Variants in PKM observed in about 807,000 individuals in gnomAD.
The protein encoded by PKM is pyruvate kinase M1/2, also known as pyruvate kinase PKM.
PKM carries 18 observed loss-of-function variants against 49.8 expected under a neutral mutation model. That is an observed-to-expected ratio of 0.36 (90% CI 0.25 to 0.54). The LOEUF (loss-of-function observed/expected upper bound fraction) is 0.54. Ranked by LOEUF, PKM falls within the 20% of genes least tolerant of loss-of-function variation. The pLI is 0.89. For missense variants in PKM, 508 were observed against 713.8 expected (o/e 0.71, Z 3.28); for synonymous variants, 239 against 261.8 (o/e 0.91, Z 0.84).
rs932031370 is a variant in PKM, at chr15:72,209,865, G to A, written c.379-6C>T. The stretch of plus-strand genomic sequence containing the variant: ...TCCACCTCTGCAGTGCCGCTCTAGG[G>A]ACAAGAGAGTAAGCAAGAGTCCAAA... On this transcript the variant is annotated splice_region_variant and splice_polypyrimidine_tract_variant and intron_variant, in intron 4 of 10. Transcript: ENST00000335181. The A allele has an allele frequency of 1.9e-6, 3 of 1,613,406 alleles. No homozygotes were observed. The highest frequency in any genetic ancestry group is 1.7e-6 in the Non-Finnish European group (2 of 1,179,578).
chr15:72,229,154 A>G (rs1306403262), intron 1 of PKM, among the ~76,000 whole-genome samples: 2 of 152,242 alleles, frequency 1.3e-5, no homozygotes, highest in Non-Finnish European at 2.9e-5. Context: ...GACAGTAGGA[A>G]GACAATGGAT....
intron 3 of PKM, among the ~76,000 whole-genome samples, chr15:72,216,891 T>C (rs1314959730): frequency 6.6e-6 from 1 of 152,162 alleles, no homozygotes; most frequent in Non-Finnish European, 1.5e-5. Flanking sequence ...GAGAATACAG[T>C]GCTGAGGAAG....
chr15:72,208,575 T>C, intron 6 of PKM, 46 bp downstream of exon 6: 4 of 1,609,190 alleles, frequency 2.5e-6, no homozygotes, highest in Non-Finnish European at 3.4e-6. Flanking sequence ...GACCATGCCC[T>C]TCGGAGAGCT....
rs1460763271 is a variant in PKM, at chr15:72,199,492, C to T, written c.*158G>A. On this transcript the variant is annotated 3_prime_UTR_variant, in exon 11 of 11. Transcript: ENST00000335181. ...GTCCCACTAGAGCAGGCTGCAAACA[C>T]AGCCATGTTTCAGTGAGGCGTTGAT... The T allele has an allele frequency of 2.8e-6, 2 of 710,486 alleles. No individual in the cohort carries two copies. The highest frequency in any genetic ancestry group is 1.7e-5 in the African/African-American group (1 of 57,238). The allele number at this position is 710,486 out of a possible 1,614,324, so 44.0% of individuals were successfully genotyped here.
At chr15:72,221,828 A>G (rs976691715) in intron 1 of PKM, among the ~76,000 whole-genome samples, 1 of 152,082 alleles carries the variant, frequency 6.6e-6, no homozygotes, top group African/African-American at 2.4e-5. Context: ...TAAAAAAAAA[A>G]AACGATACAA....
intron 2 of PKM, among the ~76,000 whole-genome samples, chr15:72,217,784 A>G (rs1229146844): frequency 6.6e-6 from 1 of 152,238 alleles, no homozygotes; most frequent in Non-Finnish European, 1.5e-5. Context: ...AAACCCAGCC[A>G]GATGTCCAAC....
chr15:72,220,973 C>A (rs2082505948), intron 1 of PKM, among the ~76,000 whole-genome samples: 1 of 152,230 alleles, frequency 6.6e-6, no homozygotes, highest in Non-Finnish European at 1.5e-5. Flanking sequence ...CCAACTGGAA[C>A]ACAAAGGCTT....
chr15:72,215,282 C>T (rs376129041), intron 3 of PKM, among the ~76,000 whole-genome samples: 10 of 152,184 alleles, frequency 6.6e-5, no homozygotes, highest in East Asian at 5.8e-4. Flanking sequence ...GTAATCTCAA[C>T]GTTCTGCTCA....
intron 8 of PKM, chr15:72,206,343 T>G (rs932710379): frequency 2.1e-5 from 5 of 238,538 alleles, no homozygotes; most frequent in Non-Finnish European, 4.2e-5. Context: ...CTTTTCAGAA[T>G]AGGGCAAAGG....
chr15:72,203,441 G>A (rs2140609457), intron 8 of PKM: 1 of 528,504 alleles, frequency 1.9e-6, no homozygotes, highest in Non-Finnish European at 3.4e-6. Flanking sequence ...TTTCATTGGG[G>A]GTGGAGGGAG....
chr15:72,209,495 TG>T (rs2082187777), intron 5 of PKM, 177 bp downstream of exon 5: 3 of 523,434 alleles, frequency 5.7e-6, no homozygotes, highest in South Asian at 5.5e-5. Flanking sequence ...ACCAGAAGAA[TG>T]TAACTATGCT....
At chr15:72,206,618 A>T (rs2082085176) in intron 8 of PKM, 110 bp downstream of exon 8, 3 of 1,100,216 alleles carry the variant, frequency 2.7e-6, no homozygotes, top group Non-Finnish European at 4.1e-6. Context: ...AGGATAATGA[A>T]AGGCTGTGCA....
intron 3 of PKM, among the ~76,000 whole-genome samples, chr15:72,216,345 C>T (rs898629313): frequency 6.6e-6 from 1 of 152,200 alleles, no homozygotes; most frequent in Non-Finnish European, 1.5e-5. Flanking sequence ...TAAAAAGGCA[C>T]AATCCCAGGC....
At position 72,208,537 on chromosome 15, in the gene PKM, G is replaced by A. The variant is rs1035514452; in HGVS notation, c.836+84C>T. On this transcript the variant is annotated intron_variant, in intron 6 of 10. Coordinates refer to ENST00000335181, the MANE Select transcript of PKM (RefSeq NM_002654.6). Reference sequence around the variant, plus strand: ...GGGAGTCTACATTCTGATGGGCTAGGGGCTGGGAATCAGACATTCACAGGA... The same window carrying A: ...GGGAGTCTACATTCTGATGGGCTAGAGGCTGGGAATCAGACATTCACAGGA... 8 of 1,433,684 alleles carry A rather than the reference G, an allele frequency of 5.6e-6. No homozygotes were observed. In the East Asian group the frequency reaches 1.6e-4, roughly 28 times the overall value. The allele number at this position is 1,433,684 out of a possible 1,614,324, so 88.8% of individuals were successfully genotyped here.
intron 1 of PKM, among the ~76,000 whole-genome samples, chr15:72,223,086 T>A (rs2082569513): frequency 6.6e-6 from 1 of 150,568 alleles, no homozygotes; most frequent in Admixed American, 6.6e-5. Flanking sequence ...GTGGTGTGAT[T>A]ATATTATATT....
intron 10 of PKM, 33 bp from the exon 11 acceptor site, chr15:72,199,789 A>G (rs777928818): frequency 2.1e-5 from 32 of 1,498,302 alleles, no homozygotes; most frequent in Non-Finnish European, 2.8e-5. Context: ...GGTGAGTAAA[A>G]GCCAAGCCAG....
At chr15:72,216,708 G>A (rs1390658584) in intron 3 of PKM, among the ~76,000 whole-genome samples, 1 of 152,194 alleles carries the variant, frequency 6.6e-6, no homozygotes, top group Non-Finnish European at 1.5e-5. Flanking sequence ...GGCAATGGAG[G>A]CAGGAATGGA....
At chr15:72,218,900 TGCCCATGAA>T (rs1302736181) in intron 2 of PKM, 35 bp downstream of exon 2, 1 of 1,602,594 alleles carries the variant, frequency 6.2e-7, no homozygotes, top group South Asian at 1.1e-5. Flanking sequence ...GAAAGGTCAC[TGCCCATGAA>T]GCCCTTTTTT....
chr15:72,217,256 G>A (rs1249959816), intron 3 of PKM, among the ~76,000 whole-genome samples, 153 bp downstream of exon 3: 3 of 152,224 alleles, frequency 2.0e-5, no homozygotes, highest in African/African-American at 4.8e-5. Flanking sequence ...AAGAGGGAAG[G>A]AGAGTAGGGA....
Sources: gnomAD v4.1 joint callset for allele counts (sites outside exome capture counted in the v4.1 genomes callset) on GRCh38, gnomAD v4.1.1 for gene constraint, MANE v1.5 for transcripts, NCBI Gene and HGNC (gene_info 2026-07-23, HGNC 2026-07-21) for gene names.